The following AK4 variants were observed in gnomAD, a reference collection of about 807,000 sequenced individuals.
AK4 encodes the protein adenylate kinase 4.
A neutral mutation model predicts 24.6 loss-of-function variants in AK4; 13 were observed. The observed-to-expected ratio is 0.53, with a 90% confidence interval of 0.34 to 0.84. AK4 has a LOEUF of 0.84. Ranked by LOEUF, AK4 falls within the 40% of genes least tolerant of loss-of-function variation. AK4 has a pLI of 0.01. For synonymous variants in AK4, 88 were observed against 107.0 expected, an observed-to-expected ratio of 0.82 and a Z score of 1.10; for missense variants, 192 against 288.2, an observed-to-expected ratio of 0.67 and a Z score of 2.42.
At chr1:65,211,843 G>T (rs1482765415) in intron 2 of AK4, among the ~76,000 whole-genome samples, 1 of 152,208 alleles carries the variant, frequency 6.6e-6, no homozygotes, top group African/African-American at 2.4e-5. Context: ...AAATGGTGAT[G>T]AATATTCTGA....
intron 1 of AK4, among the ~76,000 whole-genome samples, chr1:65,166,782 C>T (rs1352533794): frequency 6.6e-6 from 1 of 152,168 alleles, no homozygotes; most frequent in East Asian, 1.9e-4. Context: ...TGGCCTCCCA[C>T]AGTGTTGGGA....
intron 1 of AK4, among the ~76,000 whole-genome samples, chr1:65,183,121 C>G (rs1650964700): frequency 6.6e-6 from 1 of 152,134 alleles, no homozygotes; most frequent in South Asian, 2.1e-4. Context: ...AAAGAGTATT[C>G]AAACCACAAA....
At chr1:65,149,476 G>A (rs1323053928) in intron 1 of AK4, among the ~76,000 whole-genome samples, 1 of 152,220 alleles carries the variant, frequency 6.6e-6, no homozygotes, top group Non-Finnish European at 1.5e-5. Flanking sequence ...CTTCTGGGAT[G>A]GAGATGCTGG....
At chr1:65,207,280 G>C (rs1651841016) in intron 2 of AK4, among the ~76,000 whole-genome samples, 1 of 151,994 alleles carries the variant, frequency 6.6e-6, no homozygotes, top group South Asian at 2.1e-4. Flanking sequence ...GCAGTGGCAC[G>C]ATCACAGCTC....
At chr1:65,181,399 C>CT (rs1183561788) in intron 1 of AK4, among the ~76,000 whole-genome samples, 3 of 148,892 alleles carry the variant, frequency 2.0e-5, no homozygotes, top group African/African-American at 7.6e-5. Context: ...TAGAATTAAG[C>CT]CTTTTTTTTT....
At chr1:65,201,352 C>G (rs902062632) in intron 2 of AK4, among the ~76,000 whole-genome samples, 12 of 152,108 alleles carry the variant, frequency 7.9e-5, no homozygotes, top group Non-Finnish European at 1.8e-4. Context: ...ATTGAACTGA[C>G]TGCTGCTTTG....
At chr1:65,194,078 G>A (rs1219316804) in intron 2 of AK4, among the ~76,000 whole-genome samples, 2 of 152,206 alleles carry the variant, frequency 1.3e-5, no homozygotes, top group Admixed American at 6.5e-5. Flanking sequence ...ATGACAGAGT[G>A]AGACCCTGTT....
intron 1 of AK4, among the ~76,000 whole-genome samples, chr1:65,185,706 T>C (rs1321639335): frequency 6.6e-6 from 1 of 151,732 alleles, no homozygotes; most frequent in African/African-American, 2.4e-5. Context: ...CTCCGCCTCT[T>C]GGGCTCAAGC....
At chr1:65,187,321 G>A (rs1357059194) in intron 1 of AK4, among the ~76,000 whole-genome samples, 2 of 143,366 alleles carry the variant, frequency 1.4e-5, no homozygotes, top group African/African-American at 5.3e-5. Context: ...GCACTCCAGC[G>A]TGGGTGACAG....
intron 2 of AK4, among the ~76,000 whole-genome samples, chr1:65,199,015 A>C (rs938004468): frequency 2.0e-5 from 3 of 149,102 alleles, no homozygotes; most frequent in Non-Finnish European, 4.4e-5. Flanking sequence ...GAACCTGGGG[A>C]GGTCAAAGCT....
intron 1 of AK4, among the ~76,000 whole-genome samples, chr1:65,157,979 T>G (rs1241769553): frequency 6.6e-6 from 1 of 152,204 alleles, no homozygotes; most frequent in Non-Finnish European, 1.5e-5. Context: ...CTGAAACTCC[T>G]CTTGTAGAGT....
intron 1 of AK4, among the ~76,000 whole-genome samples, chr1:65,179,069 A>G (rs188578632): frequency 1.9e-4 from 29 of 152,260 alleles, no homozygotes; most frequent in Admixed American, 1.8e-3. Context: ...GAGAGAGGAA[A>G]GGAAGCTGAC....
chr1:65,149,791 A>G (rs896156055), intron 1 of AK4, among the ~76,000 whole-genome samples: 7 of 152,188 alleles, frequency 4.6e-5, no homozygotes, highest in Non-Finnish European at 5.9e-5. Context: ...CAAAAGGAAG[A>G]ATTATGTGTA....
At chr1:65,185,815 A>G (rs1359815293) in intron 1 of AK4, among the ~76,000 whole-genome samples, 1 of 151,958 alleles carries the variant, frequency 6.6e-6, no homozygotes, top group African/African-American at 2.4e-5. Flanking sequence ...GGGTTTCTCC[A>G]TGTTGGTCAG....
Position 65,205,627 on chromosome 1 carries a change from ATGT to A in AK4, c.266-13119_266-13117del, listed in dbSNP as rs543763372. On this transcript the variant is annotated intron_variant, in intron 2 of 4. Coordinates refer to ENST00000327299, the MANE Select transcript of AK4 (RefSeq NM_013410.4). ...TACTTGAAGTCAGTAGAATAACTTGATGTTGTTGTTATTTATTTATGTCCTATA... is the reference window on the plus strand; with the variant it reads ...TACTTGAAGTCAGTAGAATAACTTGATGTTGTTATTTATTTATGTCCTATA... Among the ~76,000 whole-genome samples, 12 of 152,186 alleles carry A rather than the reference ATGT, an allele frequency of 7.9e-5. No individual in the cohort carries two copies. In the East Asian group the frequency reaches 2.1e-3, roughly 27 times the overall value.
intron 2 of AK4, among the ~76,000 whole-genome samples, chr1:65,211,006 G>C (rs531533868): frequency 7.5e-4 from 114 of 152,266 alleles, no homozygotes; most frequent in African/African-American, 2.6e-3. Context: ...ATGTGTTTCA[G>C]GTCATGTGCA....
chr1:65,161,811 T>C (rs1025858443), intron 1 of AK4, among the ~76,000 whole-genome samples: 1 of 152,196 alleles, frequency 6.6e-6, no homozygotes, highest in African/African-American at 2.4e-5. Flanking sequence ...GTACCTGATA[T>C]CTTCTGGAAG....
At chr1:65,203,615 C>T (rs917427559) in intron 2 of AK4, among the ~76,000 whole-genome samples, 19 of 152,034 alleles carry the variant, frequency 1.2e-4, no homozygotes, top group Non-Finnish European at 2.2e-4. Flanking sequence ...ACCAGCCTGA[C>T]CAATATGGTG....
At chr1:65,203,756 G>C (rs1651734129) in intron 2 of AK4, among the ~76,000 whole-genome samples, 2 of 152,032 alleles carry the variant, frequency 1.3e-5, no homozygotes, top group South Asian at 4.2e-4. Context: ...AGTGAGCTGA[G>C]ACCGTGCCAT....
Sources: gnomAD v4.1 joint callset for allele counts (sites outside exome capture counted in the v4.1 genomes callset) on GRCh38, gnomAD v4.1.1 for gene constraint, MANE v1.5 for transcripts, NCBI Gene and HGNC (gene_info 2026-07-23, HGNC 2026-07-21) for gene names.